Variants in KIDINS220 observed in about 807,000 individuals in gnomAD.
KIDINS220 encodes the protein kinase D interacting substrate 220, also known as kinase D-interacting substrate of 220 kDa.
Under a neutral mutation model 157.6 loss-of-function variants are expected in KIDINS220, and 63 were observed. That is an observed-to-expected ratio of 0.40 (90% CI 0.33 to 0.49). KIDINS220 has a LOEUF of 0.49. Ranked by LOEUF, KIDINS220 falls within the 20% of genes least tolerant of loss-of-function variation. The probability of loss-of-function intolerance (pLI) is 0.66; values close to 1 mark genes in which losing one functional copy is unlikely to be tolerated. For missense variants in KIDINS220, 1,772 were observed against 2,171.2 expected (o/e 0.82, Z 3.65); for synonymous variants, 732 against 783.6 (o/e 0.93, Z 1.10).
downstream of KIDINS220, among the ~76,000 whole-genome samples, chr2:8,727,677 G>A (rs1663468317): frequency 6.6e-6 from 1 of 152,206 alleles, no homozygotes. Flanking sequence ...AAGGTCTCGA[G>A]AGTAGCATTT....
chr2:8,724,496 T>C (rs1385426367), downstream of KIDINS220: 1 of 152,180 alleles, frequency 6.6e-6, no homozygotes, highest in African/African-American at 2.4e-5. The surrounding 1 kb of genome is among the most constrained non-coding windows in gnomAD (Gnocchi z 4.6). Context: ...GATCTGCCCA[T>C]CTCAGACTCC....
chr2:8,802,878 C>A, intron 8 of KIDINS220, 52 bp downstream of exon 8: 1 of 1,441,964 alleles, frequency 6.9e-7, no homozygotes, highest in South Asian at 1.2e-5. Flanking sequence ...ACACTAAGGT[C>A]ACCTTTCATC....
chr2:8,813,287 C>T lies in KIDINS220; in HGVS notation c.355G>A (p.Val119Ile), dbSNP rs200899102. 5.2e-4 allele frequency: 839 copies of T among 1,613,494 alleles called. No homozygotes were observed. Among genetic ancestry groups the T allele is most frequent in the Non-Finnish European group, 6.6e-4 (783 of 1,179,810 alleles). ...MWACYKGRTDVVELLLSHGAN... is the reference protein window; with the variant it reads ...MWACYKGRTDIVELLLSHGAN... Reference sequence around the variant, plus strand: ...CCATGAGAAAGAAGCAACTCTACTACGTCAGTACGGCCTTTGTAACATGCC... The same window carrying T: ...CCATGAGAAAGAAGCAACTCTACTATGTCAGTACGGCCTTTGTAACATGCC... Residue 119 changes from valine to isoleucine, a missense_variant, in exon 5 of 30, where the codon GTA becomes ATA. By Grantham distance (29) the Val-to-Ile change is conservative. Coordinates refer to ENST00000256707, the MANE Select transcript of KIDINS220 (RefSeq NM_020738.4).
intron 15 of KIDINS220, among the ~76,000 whole-genome samples, chr2:8,787,931 C>A (rs565575200): frequency 2.6e-5 from 4 of 152,064 alleles, no homozygotes; most frequent in Admixed American, 6.6e-5. Context: ...CCAGGTTAAC[C>A]GCTCACATAA....
chr2:8,826,890 T>A, intron 2 of KIDINS220, 96 bp downstream of exon 2: 1 of 626,498 alleles, frequency 1.6e-6, no homozygotes, highest in Non-Finnish European at 2.9e-6. Flanking sequence ...TTACTAAGGG[T>A]TAGAACTACC....
rs1558328727 is a variant in KIDINS220, at chr2:8,744,402, ATATATATAT to A, written c.3585+2734_3585+2742del. Among the ~76,000 whole-genome samples the A allele has an allele frequency of 4.1e-3, 14 of 3,382 alleles. 2 individuals are homozygous for A. Among genetic ancestry groups the A allele is most frequent in the Admixed American group, 0.014 (2 of 148 alleles). 2.2% of individuals were successfully genotyped at this position (3,382 alleles called of 152,430 possible). ...AAAAAAAAAAAAATATATATATATA[ATATATATAT>A]ATATATATATATATATATATATATA... is the stretch of plus-strand genomic sequence containing the variant. On this transcript the variant is annotated intron_variant, in intron 26 of 29. Coordinates refer to ENST00000256707, the MANE Select transcript of KIDINS220 (RefSeq NM_020738.4).
intron 4 of KIDINS220, among the ~76,000 whole-genome samples, chr2:8,815,356 G>A (rs550770640): frequency 1.2e-4 from 18 of 149,114 alleles, no homozygotes; most frequent in African/African-American, 3.0e-4. Flanking sequence ...AGCTGAGATC[G>A]TGCCATTGCA....
intron 10 of KIDINS220, 54 bp from the exon 11 acceptor site, chr2:8,796,923 A>G: frequency 8.0e-7 from 1 of 1,248,506 alleles, no homozygotes; most frequent in Non-Finnish European, 1.2e-6. Flanking sequence ...TCCTGTGTTT[A>G]TGTCATACAA....
chr2:8,781,247 A>G (rs1397265984), intron 17 of KIDINS220, among the ~76,000 whole-genome samples: 1 of 150,738 alleles, frequency 6.6e-6, no homozygotes, highest in African/African-American at 2.4e-5. Flanking sequence ...TATCTAAGAA[A>G]GGAGAATCAA....
intron 2 of KIDINS220, among the ~76,000 whole-genome samples, chr2:8,826,347 G>A (rs554992504): frequency 5.9e-5 from 9 of 152,152 alleles, no homozygotes; most frequent in South Asian, 2.1e-4. Flanking sequence ...GGTGGCTCAC[G>A]ATTGTAATCC....
At position 8,779,003 on chromosome 2, in the gene KIDINS220, T is replaced by G; in HGVS notation, c.2507A>C (p.Asn836Thr). Residue 836 changes from asparagine (N) to threonine (T), a missense_variant, in exon 19 of 30, where the codon AAC becomes ACC. Around this residue, in one of 3 missense-constraint regions of KIDINS220, gnomAD observed 725 missense variants for 1,017.1 expected, o/e 0.71. Coordinates refer to ENST00000256707, the MANE Select transcript of KIDINS220 (RefSeq NM_020738.4). ...SNINGHDYMR[N>T]IVHLPVFLNS... is the part of the protein sequence containing the mutation. ...AAGGAACACAGGCAAGTGGACTATG[T>G]TGCGCATGTAGTCATGGCCATTTAT... 6.2e-7 allele frequency: 1 copy of G among 1,614,180 alleles called. No individual in the cohort carries two copies. The highest frequency in any genetic ancestry group is 8.5e-7 in the Non-Finnish European group (1 of 1,180,024).
At chr2:8,741,444 G>T (rs1007790255) in intron 26 of KIDINS220, among the ~76,000 whole-genome samples, 1 of 152,062 alleles carries the variant, frequency 6.6e-6, no homozygotes, top group Non-Finnish European at 1.5e-5. Context: ...TTCACTGTGC[G>T]GTGGTGCACG....
At position 8,747,132 on chromosome 2, in the gene KIDINS220, A is replaced by C. The variant is rs1666693179; in HGVS notation, c.3585+13T>G. 2.5e-6 allele frequency: 4 copies of C among 1,612,726 alleles called. No individual in the cohort carries two copies. Among genetic ancestry groups the C allele is most frequent in the Non-Finnish European group, 3.4e-6 (4 of 1,178,722 alleles). On this transcript the variant is annotated intron_variant, in intron 26 of 29. Coordinates refer to ENST00000256707, the MANE Select transcript of KIDINS220 (RefSeq NM_020738.4). ...AGATGCCAGCGATCCACACCACAGG[A>C]CTACTCCATTACCCTCGAGGAGTCT... is the stretch of plus-strand genomic sequence containing the variant.
intron 1 of KIDINS220, among the ~76,000 whole-genome samples, chr2:8,835,193 T>A (rs1332134206): frequency 6.6e-6 from 1 of 152,076 alleles, no homozygotes; most frequent in African/African-American, 2.4e-5. Context: ...CATTCTTACA[T>A]CCCCAGAACC....
downstream of KIDINS220, among the ~76,000 whole-genome samples, chr2:8,726,170 C>T (rs1413803715): frequency 2.6e-5 from 4 of 152,122 alleles, no homozygotes; most frequent in Non-Finnish European, 5.9e-5. Flanking sequence ...CTTGACTGAC[C>T]CTTTTATTCT....
intron 17 of KIDINS220, among the ~76,000 whole-genome samples, chr2:8,784,105 A>G (rs1207614558): frequency 6.6e-6 from 1 of 152,140 alleles, no homozygotes; most frequent in African/African-American, 2.4e-5. Context: ...ACACAAATAT[A>G]GTCAATTGAT....
At chr2:8,837,168 A>C (rs924418753) in intron 1 of KIDINS220, among the ~76,000 whole-genome samples, 1 of 152,102 alleles carries the variant, frequency 6.6e-6, no homozygotes, top group Non-Finnish European at 1.5e-5. Flanking sequence ...AAGAAAAAAA[A>C]CGGTTTTACC....
chr2:8,744,364 A>C (rs1328467030), intron 26 of KIDINS220, among the ~76,000 whole-genome samples: 1 of 1,904 alleles, frequency 5.3e-4, no homozygotes, highest in African/African-American at 2.1e-3. Flanking sequence ...TCCTCATGGC[A>C]AAAAAAAAAA....
rs1250651244 is a variant in KIDINS220, at chr2:8,747,923, T to A, written c.3492A>T (p.Val1164=). The A allele has an allele frequency of 6.2e-7, 1 of 1,606,772 alleles. No individual in the cohort carries two copies. The highest frequency in any genetic ancestry group is 8.5e-7 in the Non-Finnish European group (1 of 1,177,088). The change falls in exon 25 of 30, where the codon GTA becomes GTT. Residue 1164 remains valine, a synonymous_variant. Transcript: ENST00000256707. ...GSQHLISRPS[V]KTSLPRDQNN... ...TCTGATCTCTGGGCAAACTCGTTTT[T>A]ACTGATGGACGTGAGATGAGATGTT...
Sources: gnomAD v4.1 joint callset for allele counts (sites outside exome capture counted in the v4.1 genomes callset) on GRCh38, gnomAD v4.1.1 for gene constraint, gnomAD v4.1.1 regional missense constraint, Gnocchi (gnomAD v3.1) non-coding constraint, MANE v1.5 for transcripts, NCBI Gene and HGNC (gene_info 2026-07-23, HGNC 2026-07-21) for gene names.